The following DPYD variants were observed in gnomAD, a reference collection of about 807,000 sequenced individuals.
The protein encoded by DPYD is dihydropyrimidine dehydrogenase [NADP(+)].
DPYD carries 109 observed loss-of-function variants against 116.2 expected under a neutral mutation model. That is an observed-to-expected ratio of 0.94 (90% CI 0.80 to 1.10). The LOEUF (loss-of-function observed/expected upper bound fraction) is 1.10, where lower values mean the gene tolerates loss of function less well. Ranked by LOEUF, DPYD falls within the 50% of genes least tolerant of loss-of-function variation. The probability of loss-of-function intolerance (pLI) is 0.00; values close to 1 mark genes in which losing one functional copy is unlikely to be tolerated. For missense variants in DPYD, 1,302 were observed against 1,254.5 expected, an observed-to-expected ratio of 1.04 and a Z score of -0.57; for synonymous variants, 440 against 432.0, an observed-to-expected ratio of 1.02 and a Z score of -0.23.
chr1:97,317,071 A>G (rs1026482838), intron 16 of DPYD, among the ~76,000 whole-genome samples: 3 of 151,968 alleles, frequency 2.0e-5, no homozygotes, highest in Non-Finnish European at 4.4e-5. Context: ...TCTACATTAA[A>G]GCATTTCAGA....
intron 20 of DPYD, among the ~76,000 whole-genome samples, chr1:97,169,833 T>C (rs1430840339): frequency 6.6e-6 from 1 of 152,184 alleles, no homozygotes; most frequent in Non-Finnish European, 1.5e-5. Context: ...GTTGACATTC[T>C]ATGCTCATGA....
intron 14 of DPYD, among the ~76,000 whole-genome samples, chr1:97,390,824 T>A (rs2101600369): frequency 6.6e-6 from 1 of 152,002 alleles, no homozygotes; most frequent in East Asian, 1.9e-4. Flanking sequence ...ACTTGCTTTT[T>A]CCTCCCCTTT....
intron 13 of DPYD, among the ~76,000 whole-genome samples, chr1:97,494,833 A>T (rs892685803): frequency 9.9e-5 from 15 of 152,048 alleles, no homozygotes; most frequent in African/African-American, 3.6e-4. Flanking sequence ...GGTGGGTCAC[A>T]TCTAAGCCGG....
intron 18 of DPYD, among the ~76,000 whole-genome samples, chr1:97,268,696 G>A (rs1348574428): frequency 6.6e-6 from 1 of 152,090 alleles, no homozygotes; most frequent in Non-Finnish European, 1.5e-5. Flanking sequence ...TCTCAAGATA[G>A]TGCAGGGCAC....
At chr1:97,428,457 T>C (rs1359973657) in intron 14 of DPYD, among the ~76,000 whole-genome samples, 1 of 152,100 alleles carries the variant, frequency 6.6e-6, no homozygotes. Context: ...TGTAAATGAA[T>C]ACAATGAATC....
chr1:97,200,890 G>A (rs564645461), intron 19 of DPYD, among the ~76,000 whole-genome samples: 1 of 152,152 alleles, frequency 6.6e-6, no homozygotes, highest in Non-Finnish European at 1.5e-5. Flanking sequence ...CAATATCATC[G>A]TACAGCAGTT....
intron 13 of DPYD, among the ~76,000 whole-genome samples, chr1:97,502,556 C>T (rs1240407742): frequency 4.0e-5 from 6 of 151,860 alleles, no homozygotes; most frequent in South Asian, 2.1e-4. Context: ...CAAACAGCCA[C>T]GATCTGATTT....
At chr1:97,192,411 TC>T (rs1397658846) in intron 20 of DPYD, among the ~76,000 whole-genome samples, 2 of 152,144 alleles carry the variant, frequency 1.3e-5, no homozygotes, top group Non-Finnish European at 2.9e-5. Context: ...AATTTTTTCC[TC>T]CCCTCATTGA....
At chr1:97,349,163 G>A (rs1222405523) in intron 16 of DPYD, among the ~76,000 whole-genome samples, 1 of 152,110 alleles carries the variant, frequency 6.6e-6, no homozygotes, top group African/African-American at 2.4e-5. Flanking sequence ...TAGTACACTA[G>A]CTCAGAGAGT....
intron 13 of DPYD, among the ~76,000 whole-genome samples, chr1:97,473,327 A>G (rs530693190): frequency 6.6e-6 from 1 of 152,342 alleles, no homozygotes; most frequent in South Asian, 2.1e-4. Context: ...TTATGGCAGA[A>G]TAATATTCCA....
intron 16 of DPYD, among the ~76,000 whole-genome samples, chr1:97,358,229 G>T (rs1485864603): frequency 1.3e-5 from 2 of 152,230 alleles, no homozygotes; most frequent in Non-Finnish European, 2.9e-5. Context: ...CAACCTATGA[G>T]GCAGCAGCCT....
chr1:97,546,572 A>C (rs1371313332), intron 12 of DPYD: 1 of 1,606,796 alleles, frequency 6.2e-7, no homozygotes, highest in South Asian at 1.1e-5. Flanking sequence ...TTGGAAACCA[A>C]ATCAAAAATA....
chr1:97,274,498 T>A (rs532157966), intron 18 of DPYD, among the ~76,000 whole-genome samples: 1 of 152,298 alleles, frequency 6.6e-6, no homozygotes, highest in Admixed American at 6.5e-5. Context: ...ATGCTTCTTG[T>A]AGAGTCTGCA....
At chr1:97,127,777 T>A (rs1430395997) in intron 20 of DPYD, among the ~76,000 whole-genome samples, 1 of 152,174 alleles carries the variant, frequency 6.6e-6, no homozygotes, top group Non-Finnish European at 1.5e-5. Flanking sequence ...TGGAGCCATT[T>A]CCTTGTCTTA....
Position 97,229,220 on chromosome 1 carries a change from GA to G in DPYD, c.2442+5631del, listed in dbSNP as rs1333834545. Among the ~76,000 whole-genome samples, 197 of 82,478 alleles carry G rather than the reference GA, an allele frequency of 2.4e-3. 1 individual carries two copies. The highest frequency in any genetic ancestry group is 7.6e-3 in the African/African-American group (155 of 20,456). The allele number at this position is 82,478 out of a possible 152,430, so 54.1% of individuals were successfully genotyped here. A position where few individuals can be genotyped will look rare whatever the true frequency, so the allele number is the denominator to read the frequency against. On this transcript the variant is annotated intron_variant, in intron 19 of 22. Transcript: ENST00000370192. ...CTCCTTCTCAAAAAAAAAAAAAAAA[GA>G]AAAAAAAAAAAGAATTTGATGGGAA... is the stretch of plus-strand genomic sequence containing the variant.
At chr1:97,860,893 G>C (rs1486288545) in intron 2 of DPYD, among the ~76,000 whole-genome samples, 1 of 151,792 alleles carries the variant, frequency 6.6e-6, no homozygotes. Flanking sequence ...AAAAAAAGGA[G>C]GGACTTAAAA....
intron 1 of DPYD, among the ~76,000 whole-genome samples, chr1:97,888,055 C>T (rs977165962): frequency 3.3e-5 from 5 of 152,010 alleles, no homozygotes; most frequent in Admixed American, 3.3e-4. Context: ...CAGTTCTTTA[C>T]AGCAGCATGA....
intron 20 of DPYD, among the ~76,000 whole-genome samples, chr1:97,121,015 C>A (rs1399342202): frequency 6.6e-6 from 1 of 152,100 alleles, no homozygotes; most frequent in African/African-American, 2.4e-5. Flanking sequence ...GTCAGGGGAT[C>A]ATAAAATAAC....
intron 8 of DPYD, among the ~76,000 whole-genome samples, chr1:97,675,015 A>C (rs1192115463): frequency 6.6e-6 from 1 of 152,206 alleles, no homozygotes; most frequent in African/African-American, 2.4e-5. Flanking sequence ...TTTTATTTTA[A>C]TGCAGTGTGA....
Sources: allele counts gnomAD v4.1 joint callset (sites outside exome capture counted in the v4.1 genomes callset), GRCh38; gene constraint gnomAD v4.1.1; transcripts MANE v1.5; gene names NCBI Gene and HGNC (gene_info 2026-07-23, HGNC 2026-07-21).